HIBCH: variants seen among roughly 807,000 people sequenced by gnomAD.
HIBCH encodes 3-hydroxyisobutyryl-CoA hydrolase.
HIBCH carries 50 observed loss-of-function variants against 58.2 expected under a neutral mutation model. The ratio of observed to expected loss-of-function variants is 0.86; its 90% CI spans 0.68 to 1.09. The LOEUF is 1.09. HIBCH is among the 50% of genes least tolerant of loss of function. The pLI is 0.00. For missense variants in HIBCH, 450 were observed against 449.7 expected, an observed-to-expected ratio of 1.00 and a Z score of -0.01; for synonymous variants, 151 against 146.9, an observed-to-expected ratio of 1.03 and a Z score of -0.20.
At chr2:190,317,760 T>C (rs1372862714) in intron 1 of HIBCH, among the ~76,000 whole-genome samples, 8 of 152,118 alleles carry the variant, frequency 5.3e-5, no homozygotes, top group Admixed American at 5.2e-4. Context: ...AGAAGAATGA[T>C]AGTGCCAAGA....
rs1688782146 is a variant in HIBCH at position 190,319,135 on chromosome 2, G to A, written c.35+581C>T. On this transcript the variant is annotated intron_variant, in intron 1 of 13. Coordinates refer to ENST00000359678, the MANE Select transcript of HIBCH (RefSeq NM_014362.4). The stretch of plus-strand genomic sequence containing the variant: ...TGCAGCCTAAAGATGATGGCTACCA[G>A]ATTTCCTAGGCTGAGCTCAAAGCGC... 1.3e-5 allele frequency among the ~76,000 whole-genome samples: 2 copies of A among 152,218 alleles called. 1 individual carries two copies. Among genetic ancestry groups the A allele is most frequent in the South Asian group, 4.1e-4 (2 of 4,828 alleles).
intron 1 of HIBCH, among the ~76,000 whole-genome samples, chr2:190,317,522 A>C (rs2124881043): frequency 6.6e-6 from 1 of 152,320 alleles, no homozygotes; most frequent in South Asian, 2.1e-4. Flanking sequence ...AGACTGGTAA[A>C]ACTGTATTTA....
Position 190,294,573 on chromosome 2 carries a change from C to G in HIBCH, c.277G>C (p.Ala93Pro), listed in dbSNP as rs1349465707. 6.2e-7 allele frequency: 1 copy of G among 1,612,744 alleles called. No homozygotes were observed. The highest frequency in any genetic ancestry group is 8.5e-7 in the Non-Finnish European group (1 of 1,179,642). Reference sequence around the variant, plus strand: ...CTGATATCACCCCCGGCACAGAAAGCCTTTCCTCCTGCTCCCTTTATAATG... The same window carrying G: ...CTGATATCACCCCCGGCACAGAAAGGCTTTCCTCCTGCTCCCTTTATAATG... The part of the protein sequence containing the change: ...LIIIKGAGGK[A>P]FCAGGDIRVI... Residue 93 changes from alanine to proline, a missense_variant, in exon 4 of 14, where the codon GCT (alanine) becomes CCT (proline). Transcript: ENST00000359678.
intron 11 of HIBCH, among the ~76,000 whole-genome samples, chr2:190,230,678 G>A (rs879934768): frequency 6.6e-6 from 1 of 152,226 alleles, no homozygotes. Flanking sequence ...CTGGGCGAGA[G>A]AGCAAGACTC....
intron 6 of HIBCH, among the ~76,000 whole-genome samples, chr2:190,262,419 T>C (rs575947114): frequency 6.6e-6 from 1 of 152,334 alleles, no homozygotes; most frequent in South Asian, 2.1e-4. Flanking sequence ...TTCTTTCCAA[T>C]TAAAATGTCT....
chr2:190,213,026 A>G lies in HIBCH; in HGVS notation c.941T>C (p.Leu314Pro), dbSNP rs779183062. 2 of 1,610,122 alleles carry G rather than the reference A, an allele frequency of 1.2e-6. No homozygotes were observed. The highest frequency in any genetic ancestry group is 2.2e-5 in the South Asian group (2 of 91,012). Reference protein sequence around the residue: ...PTSLKITLRQLMEGSSKTLQE... With the variant: ...PTSLKITLRQPMEGSSKTLQE... ...CAAGGTCTTTGAAGACCCCTCCATG[A>G]GTTGCCTTAGTGTGATCTTTAGAGA... The change falls in exon 12 of 14, where the codon CTC (leucine) becomes CCC (proline). Residue 314 changes from leucine to proline, a missense_variant. Physicochemically the swap from Leu to Pro is moderately conservative, Grantham distance 98. Transcript: ENST00000359678.
At chr2:190,196,760 G>A (rs902691890) in intron 1 of HIBCH, among the ~76,000 whole-genome samples, 6 of 152,192 alleles carry the variant, frequency 3.9e-5, no homozygotes, top group African/African-American at 1.4e-4. Flanking sequence ...ATTGGATATA[G>A]CCATGCCCAT....
In HIBCH at chr2:190,238,755, G is replaced by A. The variant is rs982248802; in HGVS notation, c.891+6132C>T. ...TGGGATTACAGGCGTGAGCCACCACGCCCGGCCACAAACGTCTTCTTTTGA... is the reference window on the plus strand; with the variant it reads ...TGGGATTACAGGCGTGAGCCACCACACCCGGCCACAAACGTCTTCTTTTGA... On this transcript the variant is annotated intron_variant, in intron 11 of 13. Transcript: ENST00000359678. Among the ~76,000 whole-genome samples, 17 of 152,148 alleles carry A rather than the reference G, an allele frequency of 1.1e-4. 1 individual carries two copies. The highest frequency in any genetic ancestry group is 1.6e-4 in the Non-Finnish European group (11 of 68,008).
At chr2:190,237,163 A>T (rs1686297783) in intron 11 of HIBCH, among the ~76,000 whole-genome samples, 1 of 152,216 alleles carries the variant, frequency 6.6e-6, no homozygotes, top group South Asian at 2.1e-4. Flanking sequence ...AGTTTTGATA[A>T]GTGTATACAG....
intron 11 of HIBCH, among the ~76,000 whole-genome samples, chr2:190,242,904 G>C (rs115320187): frequency 0.012 from 1,761 of 152,228 alleles, 19 homozygotes; most frequent in Middle Eastern, 0.031. Flanking sequence ...ATTTGGGTTG[G>C]GAACTGGTGC....
At chr2:190,271,860 C>A (rs1005205134) in intron 6 of HIBCH, among the ~76,000 whole-genome samples, 1 of 152,180 alleles carries the variant, frequency 6.6e-6, no homozygotes, top group Non-Finnish European at 1.5e-5. Context: ...TAACCCCTAT[C>A]TCCTTCACAG....
intron 6 of HIBCH, among the ~76,000 whole-genome samples, chr2:190,275,311 AT>A (rs1687518195): frequency 6.6e-6 from 1 of 152,164 alleles, no homozygotes; most frequent in African/African-American, 2.4e-5. Flanking sequence ...AAATTTAAGG[AT>A]TGTCCTCTGT....
chr2:190,252,951 G>A (rs1686817806), intron 7 of HIBCH, among the ~76,000 whole-genome samples: 1 of 152,158 alleles, frequency 6.6e-6, no homozygotes, highest in East Asian at 1.9e-4. Context: ...CACTTTGGGA[G>A]GCCAAGACAG....
chr2:190,246,465 C>G (rs974547659), intron 9 of HIBCH, among the ~76,000 whole-genome samples: 13 of 152,030 alleles, frequency 8.6e-5, no homozygotes, highest in African/African-American at 3.1e-4. Context: ...TATATGTAAC[C>G]ACTATTACAT....
chr2:190,222,995 A>T (rs933964586), intron 11 of HIBCH, among the ~76,000 whole-genome samples: 6 of 152,372 alleles, frequency 3.9e-5, no homozygotes, highest in Non-Finnish European at 7.3e-5. Flanking sequence ...GCTGGAAACC[A>T]TCATTCTCAG....
At chr2:190,310,732 CA>C in intron 2 of HIBCH, 21 bp downstream of exon 2, 1 of 1,586,596 alleles carries the variant, frequency 6.3e-7, no homozygotes, top group Non-Finnish European at 8.7e-7. Flanking sequence ...ATAATGCCAG[CA>C]AAACAAACAC....
chr2:190,312,670 T>C (rs1688591176), intron 1 of HIBCH, among the ~76,000 whole-genome samples: 1 of 152,254 alleles, frequency 6.6e-6, no homozygotes, highest in Non-Finnish European at 1.5e-5. Context: ...AATTGAATAA[T>C]ACTATACAAA....
At chr2:190,263,500 C>G (rs1213069202) in intron 6 of HIBCH, among the ~76,000 whole-genome samples, 1 of 152,180 alleles carries the variant, frequency 6.6e-6, no homozygotes, top group Non-Finnish European at 1.5e-5. Context: ...TACTCCACTT[C>G]ACTCTACCCC....
rs994560579 is a variant in HIBCH, at chr2:190,306,101, CTA to C, written c.78+4651_78+4652del. Among the ~76,000 whole-genome samples, 2 of 151,980 alleles carry C rather than the reference CTA, an allele frequency of 1.3e-5. No individual in the cohort carries two copies. Among genetic ancestry groups the C allele is most frequent in the African/African-American group, 4.8e-5 (2 of 41,402 alleles). On this transcript the variant is annotated intron_variant, in intron 2 of 13. Coordinates refer to ENST00000359678, the MANE Select transcript of HIBCH (RefSeq NM_014362.4). The surrounding 1 kb of genome is among the most constrained non-coding windows in gnomAD (Gnocchi z 4.6). ...CAGATAAAGCTGTCTTATTTTTTTT[CTA>C]TGTTTCTATGGTAAAACAAAACACA...
Sources: allele counts gnomAD v4.1 joint callset (sites outside exome capture counted in the v4.1 genomes callset), GRCh38; gene constraint gnomAD v4.1.1; non-coding constraint Gnocchi (gnomAD v3.1); transcripts MANE v1.5; gene names NCBI Gene and HGNC (gene_info 2026-07-23, HGNC 2026-07-21).